Variants in FOXP1 observed in about 807,000 individuals in gnomAD.
FOXP1 encodes the protein forkhead box P1, also known as forkhead box protein P1.
In FOXP1, 15 loss-of-function variants were observed where a neutral mutation model predicts 98.2. The ratio of observed to expected loss-of-function variants is 0.15; its 90% CI spans 0.10 to 0.24. The LOEUF is 0.24. FOXP1 is among the 10% of genes least tolerant of loss of function. The pLI is 1.00. For synonymous variants in FOXP1, 371 were observed against 314.5 expected, an observed-to-expected ratio of 1.18 and a Z score of -1.90; for missense variants, 633 against 848.5, an observed-to-expected ratio of 0.75 and a Z score of 3.15.
Position 70,987,817 on chromosome 3 carries a change from C to G in FOXP1, c.1146+177G>C, listed in dbSNP as rs550005911. Reference sequence around the variant, plus strand: ...AATCATCCTGTATCTCCCCAAATGCCTAGCATATGACCTTCATCATAAAGG... The same window carrying G: ...AATCATCCTGTATCTCCCCAAATGCGTAGCATATGACCTTCATCATAAAGG... On this transcript the variant is annotated intron_variant, in intron 14 of 20. Coordinates refer to ENST00000649528, the MANE Select transcript of FOXP1 (RefSeq NM_001349338.3). Among the ~76,000 whole-genome samples the G allele has an allele frequency of 6.6e-5, 10 of 152,324 alleles. 1 individual carries two copies. In the South Asian group the frequency reaches 1.4e-3, roughly 22 times the overall value.
In FOXP1 at chr3:71,409,468, G is replaced by T. The variant is rs556401486; in HGVS notation, c.-167-50224C>A. 5.3e-5 allele frequency among the ~76,000 whole-genome samples: 8 copies of T among 152,136 alleles called. No homozygotes were observed. The South Asian group carries it at 1.7e-3, about 32-fold the overall frequency. The stretch of plus-strand genomic sequence containing the variant: ...TGAATATGCTAATACAACCACCTCT[G>T]TATCCTCTTTGGTAGGCAGGAGGCA... On this transcript the variant is annotated intron_variant, in intron 3 of 20. Coordinates refer to ENST00000649528, the MANE Select transcript of FOXP1 (RefSeq NM_001349338.3).
chr3:71,583,833 C>T, upstream of FOXP1: 2 of 987,426 alleles, frequency 2.0e-6, no homozygotes, highest in Non-Finnish European at 2.4e-6. Flanking sequence ...GGCAGAGGCG[C>T]GGGCAGCACC....
chr3:71,546,077 C>G (rs1010007754), intron 2 of FOXP1, among the ~76,000 whole-genome samples: 6 of 152,136 alleles, frequency 3.9e-5, no homozygotes, highest in African/African-American at 1.4e-4. Flanking sequence ...GTGTGTGTGG[C>G]TTTTCCCCAG....
chr3:71,439,428 A>G (rs1224662748), intron 3 of FOXP1, among the ~76,000 whole-genome samples: 1 of 152,202 alleles, frequency 6.6e-6, no homozygotes, highest in Non-Finnish European at 1.5e-5. Context: ...AAAGGTAAGA[A>G]AACTTAGAAG....
At chr3:70,984,556 C>T (rs1262112993) in intron 14 of FOXP1, among the ~76,000 whole-genome samples, 1 of 152,180 alleles carries the variant, frequency 6.6e-6, no homozygotes, top group Non-Finnish European at 1.5e-5. Flanking sequence ...GGGCCTTGCT[C>T]ATGTGACTGA....
rs1553883297 is a variant in FOXP1 at position 71,435,260 on chromosome 3, GAGGGAGGGAGGGAAGA to G, written c.-168+58150_-168+58165del. Among the ~76,000 whole-genome samples, 5 of 5,012 alleles carry G rather than the reference GAGGGAGGGAGGGAAGA, an allele frequency of 1.0e-3. 1 individual carries two copies. The highest frequency in any genetic ancestry group is 3.0e-3 in the Admixed American group (2 of 660). 3.3% of individuals were successfully genotyped at this position (5,012 alleles called of 152,430 possible). A position where few individuals can be genotyped will look rare whatever the true frequency, so the allele number is the denominator to read the frequency against. ...GAAGGGAGGAAGGAAGAGAGGGAGG[GAGGGAGGGAGGGAAGA>G]AGGGAGGGAGGGAGGGACGGAGGGA... On this transcript the variant is annotated intron_variant, in intron 3 of 20. Coordinates refer to ENST00000649528, the MANE Select transcript of FOXP1 (RefSeq NM_001349338.3).
chr3:71,091,996 T>C (rs947770428), intron 7 of FOXP1, among the ~76,000 whole-genome samples: 1 of 152,126 alleles, frequency 6.6e-6, no homozygotes, highest in African/African-American at 2.4e-5. Context: ...GAGACCAGCC[T>C]GGCCAACATG....
intron 6 of FOXP1, among the ~76,000 whole-genome samples, chr3:71,114,158 GA>G (rs2058175191): frequency 1.3e-5 from 2 of 152,218 alleles, no homozygotes. Context: ...TATAGCCTTA[GA>G]AAGTTAGCAT....
At chr3:70,999,724 G>GT (rs77867532) in intron 13 of FOXP1, among the ~76,000 whole-genome samples, 27,862 of 152,022 alleles carry the variant, frequency 0.18, 3,281 homozygotes, top group East Asian at 0.57. Context: ...ACAACAAAAA[G>GT]TTTAAGTGTA....
At chr3:71,104,746 CAAAGT>C (rs911885366) in intron 7 of FOXP1, among the ~76,000 whole-genome samples, 6 of 152,174 alleles carry the variant, frequency 3.9e-5, no homozygotes, top group Admixed American at 2.0e-4. Flanking sequence ...AAATCCAAAG[CAAAGT>C]AAACATCCTG....
intron 4 of FOXP1, among the ~76,000 whole-genome samples, chr3:71,318,868 C>T (rs978933357): frequency 9.2e-5 from 14 of 152,148 alleles, no homozygotes; most frequent in African/African-American, 2.9e-4. Flanking sequence ...GTATTAACTC[C>T]CCATTTTTCA....
At chr3:71,341,550 C>T (rs2077007574) in intron 4 of FOXP1, among the ~76,000 whole-genome samples, 1 of 151,990 alleles carries the variant, frequency 6.6e-6, no homozygotes, top group Non-Finnish European at 1.5e-5. Flanking sequence ...GGGTGGATCA[C>T]CTGAGGTCAG....
chr3:71,093,628 T>A (rs553766764), intron 7 of FOXP1, among the ~76,000 whole-genome samples: 6 of 151,264 alleles, frequency 4.0e-5, no homozygotes, highest in Admixed American at 3.9e-4. Flanking sequence ...ATTCTCTACT[T>A]CAGTACTAAG....
At chr3:71,288,396 C>A (rs925228753) in intron 5 of FOXP1, 1 of 152,288 alleles carries the variant, frequency 6.6e-6, no homozygotes, top group Non-Finnish European at 1.5e-5. Context: ...TTTGAGAAAG[C>A]TAGAATCTGT....
At chr3:71,148,005 T>G (rs1343918459) in intron 6 of FOXP1, among the ~76,000 whole-genome samples, 1 of 152,202 alleles carries the variant, frequency 6.6e-6, no homozygotes, top group East Asian at 1.9e-4. Flanking sequence ...AAATTATAAT[T>G]TTTATGGTTC....
intron 3 of FOXP1, among the ~76,000 whole-genome samples, chr3:71,447,990 G>A (rs886507733): frequency 1.3e-5 from 2 of 152,190 alleles, no homozygotes; most frequent in Non-Finnish European, 2.9e-5. Context: ...TCAGCTTTGA[G>A]GAAAGAGGCT....
In FOXP1 at chr3:71,306,310, G is replaced by A. The variant is rs553923550; in HGVS notation, c.-72-6430C>T. On this transcript the variant is annotated intron_variant, in intron 4 of 20. Transcript: ENST00000649528. ...GAACTCACTCGTGGGGCGGGGGGGA[G>A]TGCTATTGTTGTATCTCCAGCTACT... Among the ~76,000 whole-genome samples, 14 of 152,152 alleles carry A rather than the reference G, an allele frequency of 9.2e-5. No individual in the cohort carries two copies. The South Asian group carries it at 2.9e-3, about 32-fold the overall frequency.
At chr3:71,481,543 C>CT (rs1260902485) in intron 3 of FOXP1, among the ~76,000 whole-genome samples, 1 of 152,142 alleles carries the variant, frequency 6.6e-6, no homozygotes, top group Admixed American at 6.5e-5. Flanking sequence ...CACTTCCTAC[C>CT]TTTTTTATTA....
intron 3 of FOXP1, among the ~76,000 whole-genome samples, chr3:71,424,162 G>C (rs1048349785): frequency 6.6e-6 from 1 of 152,060 alleles, no homozygotes; most frequent in African/African-American, 2.4e-5. Context: ...AAAGAACTGC[G>C]CTGAAGGATG....
Sources: gnomAD v4.1 joint callset for allele counts (sites outside exome capture counted in the v4.1 genomes callset) on GRCh38, gnomAD v4.1.1 for gene constraint, MANE v1.5 for transcripts, NCBI Gene and HGNC (gene_info 2026-07-23, HGNC 2026-07-21) for gene names.